Variants in PCDHA10 observed in about 807,000 individuals in gnomAD.
The protein encoded by PCDHA10 is protocadherin alpha 10.
Under a neutral mutation model 61.2 loss-of-function variants are expected in PCDHA10, and 45 were observed. The observed-to-expected ratio is 0.74, with a 90% CI of 0.58 to 0.94. The LOEUF is 0.94. Among genes scored for constraint, PCDHA10 ranks in the 40% least tolerant of loss-of-function variants. The probability of loss-of-function intolerance (pLI) is 0.00; values close to 1 mark genes in which losing one functional copy is unlikely to be tolerated. For missense variants in PCDHA10, 1,278 were observed against 1,236.2 expected (o/e 1.03, Z -0.51); for synonymous variants, 602 against 548.8 (o/e 1.10, Z -1.35).
At chr5:140,901,766 A>T (rs2068897184) in intron 1 of PCDHA10, among the ~76,000 whole-genome samples, 1 of 152,188 alleles carries the variant, frequency 6.6e-6, no homozygotes, top group Admixed American at 6.5e-5. Flanking sequence ...CAGGGATTGC[A>T]TTGAATTTGT....
intron 3 of PCDHA10, among the ~76,000 whole-genome samples, chr5:141,002,517 G>A (rs770473989): frequency 5.3e-5 from 8 of 152,208 alleles, no homozygotes; most frequent in Non-Finnish European, 8.8e-5. Flanking sequence ...GAGTCTCCTA[G>A]CTGGAGTCAG....
chr5:140,967,485 C>A lies in PCDHA10; in HGVS notation c.2389-11464C>A, dbSNP rs781948599. 3.7e-6 allele frequency: 6 copies of A among 1,613,056 alleles called. No homozygotes were observed. In the South Asian group the frequency reaches 6.6e-5, roughly 18 times the overall value. On this transcript the variant is annotated intron_variant, in intron 1 of 3. Coordinates refer to ENST00000307360, the MANE Select transcript of PCDHA10 (RefSeq NM_018901.4). ...GGGGGCATCCCAGCCCGCTCGGGTA[C>A]GGCACAGATCTCTGTGCGTGTCCTG...
rs538135807 is a variant in PCDHA10, at chr5:140,873,663, T to C, written c.2388+15227T>C. On this transcript the variant is annotated intron_variant, in intron 1 of 3. Transcript: ENST00000307360. ...GTGAGAACTACATAACACACTATTA[T>C]TATTTGTTTCTTTTTGAGATAGAGT... Among the ~76,000 whole-genome samples the C allele has an allele frequency of 3.3e-5, 5 of 152,342 alleles. No individual in the cohort carries two copies. In the South Asian group the frequency reaches 1.0e-3, roughly 32 times the overall value.
chr5:140,936,547 A>G (rs1554211059), intron 1 of PCDHA10, among the ~76,000 whole-genome samples: 1 of 152,240 alleles, frequency 6.6e-6, no homozygotes, highest in East Asian at 1.9e-4. Context: ...AGTGCAATGT[A>G]GAAGTCAAGA....
chr5:140,970,222 C>T (rs1270140969), intron 1 of PCDHA10, among the ~76,000 whole-genome samples: 2 of 152,134 alleles, frequency 1.3e-5, no homozygotes, highest in Non-Finnish European at 2.9e-5. Context: ...TAAATGCAGC[C>T]TGTAATCTTC....
At chr5:140,861,267 A>G (rs1251447795) in intron 1 of PCDHA10, 4 of 174,546 alleles carry the variant, frequency 2.3e-5, no homozygotes, top group African/African-American at 9.5e-5. Context: ...CGGAGCCTAC[A>G]GCACTGGCTT....
At chr5:140,963,631 G>A (rs1168776991) in intron 1 of PCDHA10, among the ~76,000 whole-genome samples, 2 of 152,144 alleles carry the variant, frequency 1.3e-5, no homozygotes, top group African/African-American at 2.4e-5. Flanking sequence ...TGTTGCATAC[G>A]CATCTTCCCT....
intron 1 of PCDHA10, among the ~76,000 whole-genome samples, chr5:140,954,129 G>T (rs1206426573): frequency 6.6e-6 from 1 of 152,160 alleles, no homozygotes; most frequent in Non-Finnish European, 1.5e-5. Context: ...CCTTTTTATG[G>T]ATGCATAGTA....
At chr5:140,883,924 G>T (rs1554180605) in intron 1 of PCDHA10, 14 of 1,613,506 alleles carry the variant, frequency 8.7e-6, no homozygotes, top group Non-Finnish European at 1.1e-5. Context: ...TGACGCTGCA[G>T]GTGTTCGTGC....
chr5:140,929,226 C>T (rs782065898), intron 1 of PCDHA10: 14 of 1,613,766 alleles, frequency 8.7e-6, no homozygotes, highest in African/African-American at 5.3e-5. Flanking sequence ...ACAATGCTGC[C>T]GACCTGCGAA....
At position 140,928,541 on chromosome 5, in the gene PCDHA10, A is replaced by G. The variant is rs149868042; in HGVS notation, c.2389-50408A>G. On this transcript the variant is annotated intron_variant, in intron 1 of 3. Transcript: ENST00000307360. ...AACTTGTTTGTGGTAGATAGGAATG[A>G]CAATTATCCGGTTATCTTGTTTCCC... 2 of 1,614,192 alleles carry G rather than the reference A, an allele frequency of 1.2e-6. No homozygotes were observed. Among genetic ancestry groups the G allele is most frequent in the African/African-American group, 1.3e-5 (1 of 75,044 alleles).
intron 3 of PCDHA10, among the ~76,000 whole-genome samples, chr5:140,993,449 CCTT>C (rs1214858534): frequency 1.4e-5 from 2 of 144,318 alleles, no homozygotes; most frequent in Non-Finnish European, 1.5e-5. Flanking sequence ...TTCCTGTTCT[CCTT>C]CTTTCTTTCT....
At chr5:140,864,058 A>C (rs993804326) in intron 1 of PCDHA10, 3 of 152,692 alleles carry the variant, frequency 2.0e-5, no homozygotes, top group Non-Finnish European at 1.5e-5. Context: ...TACAGTCACC[A>C]TGAACATTCT....
At chr5:140,927,201 C>T (rs1330352185) in intron 1 of PCDHA10, 7 of 1,614,032 alleles carry the variant, frequency 4.3e-6, no homozygotes, top group Non-Finnish European at 5.1e-6. Flanking sequence ...TGCTCGAGGA[C>T]CCGCTGGAGC....
intron 1 of PCDHA10, chr5:140,877,564 G>A (rs782415331): frequency 1.2e-5 from 20 of 1,613,652 alleles, no homozygotes; most frequent in Middle Eastern, 3.3e-4. Context: ...GGATATTAAC[G>A]TGTACCTCAT....
intron 1 of PCDHA10, among the ~76,000 whole-genome samples, chr5:140,947,190 C>T (rs1292127049): frequency 6.6e-6 from 1 of 151,120 alleles, no homozygotes; most frequent in Non-Finnish European, 1.5e-5. Flanking sequence ...TGGTATACTA[C>T]ACAGCCTTAA....
chr5:140,984,882 A>G (rs1456658089), intron 3 of PCDHA10, among the ~76,000 whole-genome samples: 3 of 152,150 alleles, frequency 2.0e-5, no homozygotes, highest in African/African-American at 7.2e-5. Context: ...AGTTACCATG[A>G]GAACTAAAGG....
rs59031154 is a variant in PCDHA10 at position 140,884,790 on chromosome 5, T to C, written c.2388+26354T>C. ...TTAATTTTAATTTTGCTAGTTGTTATCGAATTTAACAACTCTGCTGTGGAC... is the reference window on the plus strand; with the variant it reads ...TTAATTTTAATTTTGCTAGTTGTTACCGAATTTAACAACTCTGCTGTGGAC... On this transcript the variant is annotated intron_variant, in intron 1 of 3. Transcript: ENST00000307360. 1.6e-3 allele frequency: 2,209 copies of C among 1,352,036 alleles called. 33 individuals are homozygous for C. In the African/African-American group the frequency reaches 0.03, roughly 18 times the overall value. The allele number at this position is 1,352,036 out of a possible 1,614,324, so 83.8% of individuals were successfully genotyped here.
At chr5:140,877,095 C>T in intron 1 of PCDHA10, 1 of 1,613,330 alleles carries the variant, frequency 6.2e-7, no homozygotes, top group Non-Finnish European at 8.5e-7. Context: ...GCGACGCCGG[C>T]GTGCCGCCTC....
Sources: allele counts gnomAD v4.1 joint callset (sites outside exome capture counted in the v4.1 genomes callset), GRCh38; gene constraint gnomAD v4.1.1; transcripts MANE v1.5; gene names NCBI Gene and HGNC (gene_info 2026-07-23, HGNC 2026-07-21).